Variants in CEP350 observed in about 807,000 individuals in gnomAD.
CEP350 encodes centrosomal protein 350.
CEP350 carries 126 observed loss-of-function variants against 331.8 expected under a neutral mutation model. The ratio of observed to expected loss-of-function variants is 0.38; its 90% CI spans 0.33 to 0.44. The LOEUF (loss-of-function observed/expected upper bound fraction) is 0.44, where lower values mean the gene tolerates loss of function less well. Ranked by LOEUF, CEP350 falls within the 20% of genes least tolerant of loss-of-function variation. The pLI is 1.00. For missense variants in CEP350, 3,406 were observed against 3,634.6 expected, an observed-to-expected ratio of 0.94 and a Z score of 1.62; for synonymous variants, 1,200 against 1,259.5, an observed-to-expected ratio of 0.95 and a Z score of 1.00.
chr1:180,087,831 ATTTTC>A, intron 32 of CEP350, 114 bp downstream of exon 32: 1 of 1,129,560 alleles, frequency 8.9e-7, no homozygotes, highest in Non-Finnish European at 1.2e-6. Context: ...TAAAAATATT[ATTTTC>A]TATTTTTAGT....
intron 1 of CEP350, among the ~76,000 whole-genome samples, chr1:179,970,708 T>C (rs1651382329): frequency 6.6e-6 from 1 of 152,254 alleles, no homozygotes; most frequent in African/African-American, 2.4e-5. Context: ...AAAATGAAAC[T>C]ATGTGATTGG....
At chr1:180,070,993 C>CA in intron 27 of CEP350, among the ~76,000 whole-genome samples, 1 of 151,490 alleles carries the variant, frequency 6.6e-6, no homozygotes, top group Non-Finnish European at 1.5e-5. Flanking sequence ...ACTAAAAATA[C>CA]AAAAATTAGC....
chr1:180,055,779 C>T (rs796490415), intron 25 of CEP350, among the ~76,000 whole-genome samples: 11 of 152,034 alleles, frequency 7.2e-5, no homozygotes, highest in African/African-American at 2.7e-4. Flanking sequence ...ATCTCCTGAC[C>T]TCGCGATCCG....
intron 15 of CEP350, among the ~76,000 whole-genome samples, chr1:180,032,193 A>G (rs776030149): frequency 6.6e-6 from 1 of 152,070 alleles, no homozygotes; most frequent in Non-Finnish European, 1.5e-5. Flanking sequence ...TGTCCATATG[A>G]CTTTTCATGT....
chr1:180,002,820 A>T (rs1022058773), intron 6 of CEP350, among the ~76,000 whole-genome samples: 4 of 152,232 alleles, frequency 2.6e-5, no homozygotes, highest in African/African-American at 4.8e-5. Context: ...AACATTATGC[A>T]AAGTGAGATA....
At position 180,095,754 on chromosome 1, in the gene CEP350, G is replaced by A. The variant is rs142118310; in HGVS notation, c.8743G>A (p.Ala2915Thr). 2.5e-5 allele frequency: 40 copies of A among 1,613,816 alleles called. No individual in the cohort carries two copies. In the African/African-American group the frequency reaches 4.0e-4, roughly 16 times the overall value. ...VTQQPCETLL[A>T]VPHTAEEVEI... Reference sequence around the variant, plus strand: ...CCAACAACCATGTGAAACATTATTGGCAGTCCCCCATACTGCAGAAGAAGT... The same window carrying A: ...CCAACAACCATGTGAAACATTATTGACAGTCCCCCATACTGCAGAAGAAGT... Residue 2915 changes from alanine to threonine, a missense_variant, in exon 35 of 38, where the codon GCA (alanine) becomes ACA (threonine). Around this residue, in one of 5 missense-constraint regions of CEP350, gnomAD observed 1,415 missense variants for 1,512.3 expected, o/e 0.94. Coordinates refer to ENST00000367607, the MANE Select transcript of CEP350 (RefSeq NM_014810.5).
At chr1:180,043,906 C>T (rs1304039986) in intron 20 of CEP350, 145 bp from the exon 21 acceptor site, 1 of 673,764 alleles carries the variant, frequency 1.5e-6, no homozygotes, top group Non-Finnish European at 2.2e-6. Flanking sequence ...CTTAGTAAAA[C>T]AGAAGATATT....
At position 180,112,395 on chromosome 1, in the gene CEP350, G is replaced by A. The variant is rs1365468434; in HGVS notation, c.*1234G>A. The A allele has an allele frequency of 6.6e-6, 1 of 152,570 alleles. No individual in the cohort carries two copies. Among genetic ancestry groups the A allele is most frequent in the Non-Finnish European group, 1.5e-5 (1 of 68,040 alleles). 9.5% of individuals were successfully genotyped at this position (152,570 alleles called of 1,614,324 possible). On this transcript the variant is annotated 3_prime_UTR_variant, in exon 38 of 38. Coordinates refer to ENST00000367607, the MANE Select transcript of CEP350 (RefSeq NM_014810.5). ...TGCAATAGCAGCAGTGGGATAAAAT[G>A]ATTTAAAAACACTGTACAATTTAAC...
At chr1:180,044,636 A>G (rs1199253189) in intron 21 of CEP350, among the ~76,000 whole-genome samples, 1 of 131,980 alleles carries the variant, frequency 7.6e-6, no homozygotes, top group Middle Eastern at 3.8e-3. Flanking sequence ...ATGAGAACAC[A>G]TGGACACAGG....
chr1:180,082,330 T>C (rs1182381850), intron 30 of CEP350, among the ~76,000 whole-genome samples: 1 of 152,226 alleles, frequency 6.6e-6, no homozygotes, highest in Non-Finnish European at 1.5e-5. Flanking sequence ...GTGGTAGATA[T>C]TAATGTAGTA....
In CEP350 at chr1:180,095,558, A is replaced by G; in HGVS notation, c.8547A>G (p.Glu2849=). 1 of 1,613,902 alleles carries G rather than the reference A, an allele frequency of 6.2e-7. No individual in the cohort carries two copies. The highest frequency in any genetic ancestry group is 1.7e-5 in the Admixed American group (1 of 60,010). The change falls in exon 35 of 38, where the codon GAA becomes GAG. Residue 2849 remains glutamate (E), a synonymous_variant. Coordinates refer to ENST00000367607, the MANE Select transcript of CEP350 (RefSeq NM_014810.5). ...TATTTGGTGCCAGTGGGCAGGAAGA[A>G]CTTGCTAAGAGACTTGCTGAACTTG... is the stretch of plus-strand genomic sequence containing the variant. ...SPVFGASGQE[E]LAKRLAELEL...
At chr1:180,032,182 TTGTCCATA>T (rs1656070607) in intron 15 of CEP350, among the ~76,000 whole-genome samples, 1 of 152,116 alleles carries the variant, frequency 6.6e-6, no homozygotes, top group Admixed American at 6.6e-5. Flanking sequence ...TCCTACTCAT[TTGTCCATA>T]TGACTTTTCA....
Position 180,033,976 on chromosome 1 carries a change from G to A in CEP350, c.3840G>A (p.Ser1280=), listed in dbSNP as rs767446921. 33 of 1,613,702 alleles carry A rather than the reference G, an allele frequency of 2.0e-5. No homozygotes were observed. Among genetic ancestry groups the A allele is most frequent in the Admixed American group, 6.7e-5 (4 of 59,972 alleles). Residue 1280 remains serine, a synonymous_variant, in exon 16 of 38, where the codon TCG becomes TCA. Coordinates refer to ENST00000367607, the MANE Select transcript of CEP350 (RefSeq NM_014810.5). ...VAGTSSERSK[S]SVMPPTITGF... is the part of the protein sequence containing the mutation. ...GAACTTCTTCAGAAAGATCTAAGTCGTCAGTAATGCCTCCAACTATAACAG... is the reference window on the plus strand; with the variant it reads ...GAACTTCTTCAGAAAGATCTAAGTCATCAGTAATGCCTCCAACTATAACAG...
chr1:180,020,218 C>T lies in CEP350; in HGVS notation c.2444C>T (p.Ala815Val). 1 of 1,613,994 alleles carries T rather than the reference C, an allele frequency of 6.2e-7. No homozygotes were observed. The highest frequency in any genetic ancestry group is 1.1e-5 in the South Asian group (1 of 91,090). ...ACAGATGCCTTGTTAAAACCTAGTGCCAGCCAATATAAGAGTAAACTGGAT... is the reference window on the plus strand; with the variant it reads ...ACAGATGCCTTGTTAAAACCTAGTGTCAGCCAATATAAGAGTAAACTGGAT... The part of the protein sequence containing the change: ...AYTDALLKPS[A>V]SQYKSKLDRI... The change falls in exon 12 of 38, where the codon GCC becomes GTC. Residue 815 changes from alanine (A) to valine (V), a missense_variant. By Grantham distance (64) the Ala-to-Val change is moderately conservative (BLOSUM62 0). Coordinates refer to ENST00000367607, the MANE Select transcript of CEP350 (RefSeq NM_014810.5).
At chr1:179,961,396 C>T (rs538604247) in intron 1 of CEP350, among the ~76,000 whole-genome samples, 4 of 152,072 alleles carry the variant, frequency 2.6e-5, no homozygotes, top group East Asian at 1.9e-4. Context: ...TGCAGTGAGC[C>T]GAGATCGCGT....
chr1:180,095,428 GAT>G, intron 34 of CEP350, 93 bp from the exon 35 acceptor site: 1 of 1,327,890 alleles, frequency 7.5e-7, no homozygotes. Context: ...AGAAATATTA[GAT>G]ATATAAATAA....
At chr1:179,975,061 G>T (rs1453505671) in intron 1 of CEP350, among the ~76,000 whole-genome samples, 4 of 152,032 alleles carry the variant, frequency 2.6e-5, no homozygotes, top group Admixed American at 6.5e-5. Flanking sequence ...ACTAATTGAA[G>T]TACTAATTTT....
intron 21 of CEP350, among the ~76,000 whole-genome samples, chr1:180,048,019 AACATTTTACT>A (rs1657245297): frequency 6.6e-6 from 1 of 152,222 alleles, no homozygotes; most frequent in South Asian, 2.1e-4. Flanking sequence ...AGATTATTCT[AACATTTTACT>A]ACATTTTATT....
intron 19 of CEP350, among the ~76,000 whole-genome samples, chr1:180,042,451 T>A (rs1373326740): frequency 6.6e-6 from 1 of 152,246 alleles, no homozygotes. Flanking sequence ...TAGTACTATT[T>A]GTAAAATGAC....
Sources: gnomAD v4.1 joint callset for allele counts (sites outside exome capture counted in the v4.1 genomes callset) on GRCh38, gnomAD v4.1.1 for gene constraint, gnomAD v4.1.1 regional missense constraint, MANE v1.5 for transcripts, NCBI Gene and HGNC (gene_info 2026-07-23, HGNC 2026-07-21) for gene names.